FOXP2: variants seen among roughly 807,000 people sequenced by gnomAD.
FOXP2 encodes the protein forkhead box protein P2.
In FOXP2, 12 loss-of-function variants were observed where a neutral mutation model predicts 115.8. That is an observed-to-expected ratio of 0.10 (90% CI 0.07 to 0.17). The LOEUF (loss-of-function observed/expected upper bound fraction) is 0.17. FOXP2 is among the 10% of genes least tolerant of loss of function. The probability of loss-of-function intolerance (pLI) is 1.00; values close to 1 mark genes in which losing one functional copy is unlikely to be tolerated. For synonymous variants in FOXP2, 328 were observed against 297.7 expected (o/e 1.10, Z -1.05); for missense variants, 629 against 843.5 (o/e 0.75, Z 3.15).
intron 2 of FOXP2, among the ~76,000 whole-genome samples, chr7:114,460,949 T>C (rs186607346): frequency 6.6e-6 from 1 of 152,324 alleles, no homozygotes; most frequent in East Asian, 1.9e-4. Flanking sequence ...CCATCCCTCC[T>C]TCCTTGAGAC....
In FOXP2 at chr7:114,620,531, A is replaced by T. The variant is rs182133426; in HGVS notation, c.259-8009A>T. On this transcript the variant is annotated intron_variant, in intron 3 of 16. Transcript: ENST00000350908. ...CTATAATGCTAGAAACCTTTCAGCAAGACTAGTTGGTAAAAAGTAATCGTA... is the reference window on the plus strand; with the variant it reads ...CTATAATGCTAGAAACCTTTCAGCATGACTAGTTGGTAAAAAGTAATCGTA... Among the ~76,000 whole-genome samples the T allele has an allele frequency of 1.9e-3, 291 of 152,202 alleles. 1 individual carries two copies. Among genetic ancestry groups the T allele is most frequent in the Non-Finnish European group, 1.8e-3 (119 of 67,932 alleles).
In FOXP2 at chr7:114,176,179, TTCTTGTCTTGTCTTG is replaced by T. The variant is rs67055887; in HGVS notation, c.-102+13131_-102+13145del. 8.4e-3 allele frequency among the ~76,000 whole-genome samples: 1,219 copies of T among 145,358 alleles called. 7 individuals carry two copies. The highest frequency in any genetic ancestry group is 0.024 in the East Asian group (118 of 4,902). Reference sequence around the variant, plus strand: ...GATCCACACAGGTTTGATTTCTCTTTTCTTGTCTTGTCTTGTCTTGTCTTGTCTTGTCTTGTCTTG... The same window carrying T: ...GATCCACACAGGTTTGATTTCTCTTTTCTTGTCTTGTCTTGTCTTGTCTTG... On this transcript the variant is annotated intron_variant, in intron 1 of 17. Coordinates refer to the FOXP2 transcript ENST00000634411.
At chr7:114,562,907 A>T (rs963450537) in intron 3 of FOXP2, among the ~76,000 whole-genome samples, 3 of 152,132 alleles carry the variant, frequency 2.0e-5, no homozygotes, top group African/African-American at 7.2e-5. Context: ...GCTAGTAAAG[A>T]CATACCTGAG....
At chr7:114,307,217 G>A (rs1312530845) in intron 2 of FOXP2, among the ~76,000 whole-genome samples, 1 of 152,010 alleles carries the variant, frequency 6.6e-6, no homozygotes, top group Non-Finnish European at 1.5e-5. Flanking sequence ...CATTCAATTT[G>A]TCTCATAAAG....
chr7:114,637,537 A>C (rs114607656), intron 6 of FOXP2, among the ~76,000 whole-genome samples: 2,477 of 152,252 alleles, frequency 0.016, 56 homozygotes, highest in African/African-American at 0.056. Context: ...AAACTCTTTC[A>C]AGTAACATTC....
intron 2 of FOXP2, among the ~76,000 whole-genome samples, chr7:114,339,906 G>C (rs1791159283): frequency 6.6e-6 from 1 of 151,024 alleles, no homozygotes. Flanking sequence ...AATATTTTAT[G>C]TAGTAGGTGA....
intron 10 of FOXP2, chr7:114,656,700 G>A (rs1244637664): frequency 5.5e-6 from 1 of 180,580 alleles, no homozygotes; most frequent in South Asian, 8.2e-5. Flanking sequence ...CCTTCAGGGT[G>A]CCAGTCGTTA....
At chr7:114,101,666 A>G (rs1162109277) in intron 1 of FOXP2, among the ~76,000 whole-genome samples, 6 of 142,702 alleles carry the variant, frequency 4.2e-5, no homozygotes, top group Admixed American at 4.2e-4. Context: ...CCTTTTACCT[A>G]AAAAAATAAG....
At chr7:114,184,354 A>C (rs1793537885) in intron 1 of FOXP2, among the ~76,000 whole-genome samples, 1 of 152,170 alleles carries the variant, frequency 6.6e-6, no homozygotes, top group African/African-American at 2.4e-5. Context: ...GGCTCAGAGA[A>C]GACCCAGAAG....
intron 1 of FOXP2, among the ~76,000 whole-genome samples, chr7:114,173,389 T>A (rs1354848450): frequency 6.6e-6 from 1 of 151,864 alleles, no homozygotes; most frequent in African/African-American, 2.4e-5. Flanking sequence ...CTTTCTCTTT[T>A]TCTTCTTTAC....
intron 1 of FOXP2, among the ~76,000 whole-genome samples, chr7:114,277,323 G>A (rs1210045136): frequency 6.6e-6 from 1 of 152,120 alleles, no homozygotes; most frequent in Non-Finnish European, 1.5e-5. Flanking sequence ...AGTGAGGAAT[G>A]CTTTAAGGCA....
intron 2 of FOXP2, among the ~76,000 whole-genome samples, chr7:114,487,306 A>G (rs1487961237): frequency 6.6e-6 from 1 of 152,078 alleles, no homozygotes; most frequent in Non-Finnish European, 1.5e-5. Flanking sequence ...TTTATCCATG[A>G]CTGGAGCCGC....
chr7:114,428,146 C>A (rs561512057), intron 2 of FOXP2, among the ~76,000 whole-genome samples: 36 of 151,594 alleles, frequency 2.4e-4, no homozygotes, highest in Non-Finnish European at 5.2e-4. Flanking sequence ...TAGCCAGATT[C>A]AATTTTGCCT....
chr7:114,258,772 A>G (rs1056414987), intron 1 of FOXP2, among the ~76,000 whole-genome samples: 1 of 152,186 alleles, frequency 6.6e-6, no homozygotes, highest in African/African-American at 2.4e-5. Flanking sequence ...CATCAGAAAC[A>G]TTAAGTAGTA....
rs372442242 is a variant in FOXP2, at chr7:114,432,858, C to T, written c.168+6179C>T. Reference sequence around the variant, plus strand: ...CAGTGTAGTTGATGTGCGTTGTCTTCCCTAGACAAAACAGATGGTATTGTT... The same window carrying T: ...CAGTGTAGTTGATGTGCGTTGTCTTTCCTAGACAAAACAGATGGTATTGTT... On this transcript the variant is annotated intron_variant, in intron 2 of 16. Transcript: ENST00000350908. Among the ~76,000 whole-genome samples the T allele has an allele frequency of 3.0e-4, 45 of 151,992 alleles. 1 individual carries two copies. Among genetic ancestry groups the T allele is most frequent in the African/African-American group, 1.0e-3 (42 of 41,512 alleles).
intron 2 of FOXP2, among the ~76,000 whole-genome samples, 154 bp from the exon 3 acceptor site, chr7:114,534,463 A>G (rs1206785497): frequency 6.6e-6 from 1 of 151,802 alleles, no homozygotes; most frequent in African/African-American, 2.4e-5. Flanking sequence ...GTGTTTGGCA[A>G]TTTTTTTCAT....
At chr7:114,377,759 T>A (rs573841665) in intron 2 of FOXP2, among the ~76,000 whole-genome samples, 1 of 152,238 alleles carries the variant, frequency 6.6e-6, no homozygotes, top group Non-Finnish European at 1.5e-5. Flanking sequence ...ACTGAAGTCT[T>A]ACTGATTATT....
At chr7:114,397,847 G>T (rs1584693700) in intron 2 of FOXP2, among the ~76,000 whole-genome samples, 1 of 152,198 alleles carries the variant, frequency 6.6e-6, no homozygotes, top group South Asian at 2.1e-4. Flanking sequence ...GGTCAGACCA[G>T]AGATGGTGCT....
At chr7:114,347,282 T>C (rs1165992431) in intron 2 of FOXP2, among the ~76,000 whole-genome samples, 4 of 152,032 alleles carry the variant, frequency 2.6e-5, no homozygotes, top group African/African-American at 9.7e-5. Flanking sequence ...TGTATGTATG[T>C]ATGTATGTGT....
Sources: allele counts gnomAD v4.1 joint callset (sites outside exome capture counted in the v4.1 genomes callset), GRCh38; gene constraint gnomAD v4.1.1; transcripts MANE v1.5; gene names NCBI Gene and HGNC (gene_info 2026-07-23, HGNC 2026-07-21).